Variants in ZFAT observed in about 807,000 individuals in gnomAD.
ZFAT encodes zinc finger protein ZFAT.
In ZFAT, 64 loss-of-function variants were observed where a neutral mutation model predicts 117.7. The ratio of observed to expected loss-of-function variants is 0.54; its 90% CI spans 0.44 to 0.67. ZFAT has a LOEUF of 0.67. Among genes scored for constraint, ZFAT ranks in the 30% least tolerant of loss-of-function variants. The pLI, the probability that ZFAT is intolerant of heterozygous loss-of-function variation, is 0.00. For missense variants in ZFAT, 1,433 were observed against 1,584.5 expected (o/e 0.90, Z 1.62); for synonymous variants, 679 against 615.0 (o/e 1.10, Z -1.54).
At chr8:134,528,068 C>T (rs1213270157) in intron 12 of ZFAT, among the ~76,000 whole-genome samples, 2 of 150,708 alleles carry the variant, frequency 1.3e-5, no homozygotes, top group East Asian at 3.8e-4. Flanking sequence ...AAGAGATGAC[C>T]ACGCCTCTTC....
the ZFAT span, chr8:134,783,761 T>C: frequency 6.6e-6 from 1 of 152,140 alleles, no homozygotes; most frequent in Non-Finnish European, 1.5e-5. Flanking sequence ...AAAAGGCAGA[T>C]AGGAAAGAGT....
intron 1 of ZFAT, among the ~76,000 whole-genome samples, chr8:134,659,721 C>T (rs920618027): frequency 3.3e-5 from 5 of 152,088 alleles, no homozygotes; most frequent in African/African-American, 1.2e-4. Flanking sequence ...ACTCCCCCAA[C>T]CCATTTCTCT....
At chr8:134,521,139 C>A in intron 12 of ZFAT, 138 bp from the exon 13 acceptor site, 1 of 582,118 alleles carries the variant, frequency 1.7e-6, no homozygotes, top group Non-Finnish European at 3.0e-6. Context: ...TCAAGCTTAC[C>A]TTAGTATTGG....
the ZFAT span, among the ~76,000 whole-genome samples, chr8:134,818,856 G>A: frequency 1.3e-5 from 2 of 152,194 alleles, no homozygotes; most frequent in Non-Finnish European, 2.9e-5. Flanking sequence ...AGTGCATATT[G>A]TATTCTAAGA....
intron 15 of ZFAT, among the ~76,000 whole-genome samples, chr8:134,502,133 T>A (rs946793680): frequency 1.3e-5 from 2 of 152,244 alleles, no homozygotes; most frequent in African/African-American, 4.8e-5. Flanking sequence ...CCCCTCCTCA[T>A]TATTTCACCA....
At chr8:134,819,496 A>ACCCCCCCCCCCC in the ZFAT span, among the ~76,000 whole-genome samples, 111 of 39,338 alleles carry the variant, frequency 2.8e-3, no homozygotes, top group Non-Finnish European at 3.9e-3. Context: ...CGGATTTACC[A>ACCCCCCCCCCCC]CCCCCCCCCC....
chr8:134,565,446 GA>G, intron 10 of ZFAT, 25 bp from the exon 11 acceptor site: 2 of 1,608,356 alleles, frequency 1.2e-6, no homozygotes, highest in Non-Finnish European at 1.7e-6. Context: ...AGGACAAGAT[GA>G]GCGTCGCCAG....
At chr8:134,830,339 G>A in the ZFAT span, among the ~76,000 whole-genome samples, 2 of 152,182 alleles carry the variant, frequency 1.3e-5, no homozygotes, top group Admixed American at 6.5e-5. Flanking sequence ...CACAAAAGTA[G>A]CTGCACAGAA....
the ZFAT span, among the ~76,000 whole-genome samples, chr8:134,755,540 G>A: frequency 1.4e-4 from 22 of 151,932 alleles, no homozygotes; most frequent in East Asian, 1.4e-3. Flanking sequence ...TGCCTGGTGC[G>A]GTGGCTCATG....
chr8:134,758,497 T>C, the ZFAT span, among the ~76,000 whole-genome samples: 2 of 152,216 alleles, frequency 1.3e-5, no homozygotes, highest in Non-Finnish European at 2.9e-5. Flanking sequence ...TGGTTCTGTT[T>C]TGGGGAAGGT....
chr8:134,595,843 A>T (rs751960182), intron 7 of ZFAT, among the ~76,000 whole-genome samples: 12 of 152,230 alleles, frequency 7.9e-5, no homozygotes, highest in Non-Finnish European at 1.8e-4. Context: ...ACAGGCACTC[A>T]GCCAGATTAT....
the ZFAT span, chr8:134,797,903 C>T: frequency 6.6e-6 from 1 of 151,602 alleles, no homozygotes; most frequent in South Asian, 2.1e-4. Flanking sequence ...AAAAACCTCT[C>T]AATATGAAGT....
intron 11 of ZFAT, among the ~76,000 whole-genome samples, chr8:134,543,294 G>A (rs1822424303): frequency 6.6e-6 from 1 of 150,840 alleles, no homozygotes; most frequent in South Asian, 2.1e-4. Context: ...TGCAGTTACT[G>A]CACAGAAGAA....
chr8:134,821,707 T>G, the ZFAT span, among the ~76,000 whole-genome samples: 1 of 152,152 alleles, frequency 6.6e-6, no homozygotes, highest in African/African-American at 2.4e-5. Context: ...GGAAATACAT[T>G]TAGCTCAATG....
chr8:134,590,752 T>G (rs1372441881), intron 7 of ZFAT, among the ~76,000 whole-genome samples: 1 of 137,184 alleles, frequency 7.3e-6, no homozygotes, highest in African/African-American at 2.8e-5. Flanking sequence ...CCACCAGCAC[T>G]ATCAACAGTC....
intron 1 of ZFAT, among the ~76,000 whole-genome samples, chr8:134,679,877 G>C (rs1391474849): frequency 6.7e-6 from 1 of 148,662 alleles, no homozygotes; most frequent in East Asian, 2.0e-4. Context: ...TCATAAACGG[G>C]AGTTGAACAA....
At chr8:134,515,133 T>C (rs1417600116) in intron 13 of ZFAT, among the ~76,000 whole-genome samples, 1 of 152,248 alleles carries the variant, frequency 6.6e-6, no homozygotes, top group African/African-American at 2.4e-5. Context: ...GCAAAGGACA[T>C]GAACTCATCT....
chr8:134,478,484 A>G lies in ZFAT; in HGVS notation c.3730T>C (p.Ter1244GlnextTer147). 6.4e-7 allele frequency: 1 copy of G among 1,563,258 alleles called. No homozygotes were observed. Among genetic ancestry groups the G allele is most frequent in the Non-Finnish European group, 8.7e-7 (1 of 1,154,094 alleles). The change falls in exon 16 of 16, where the codon TAG becomes CAG. Residue 1244 changes from the stop codon to glutamine (Q), a stop_lost. Coordinates refer to ENST00000377838, the MANE Select transcript of ZFAT (RefSeq NM_020863.4). The surrounding 1 kb of genome is among the most constrained non-coding windows in gnomAD (Gnocchi z 5.2). Reference protein sequence around the residue: ...QAVEQPAQEL* With the variant: ...QAVEQPAQELQ Reference sequence around the variant, plus strand: ...GGCCATCCGATGCCACATGTCCTCTAGAGTTCCTGGGCCGGCTGCTCCACA... The same window carrying G: ...GGCCATCCGATGCCACATGTCCTCTGGAGTTCCTGGGCCGGCTGCTCCACA...
At chr8:134,783,709 G>C in the ZFAT span, 1 of 152,308 alleles carries the variant, frequency 6.6e-6, no homozygotes, top group African/African-American at 2.4e-5. Context: ...TTGACAATTA[G>C]TTTATTAGAG....
Sources: gnomAD v4.1 joint callset for allele counts (sites outside exome capture counted in the v4.1 genomes callset) on GRCh38, gnomAD v4.1.1 for gene constraint, Gnocchi (gnomAD v3.1) non-coding constraint, MANE v1.5 for transcripts, NCBI Gene and HGNC (gene_info 2026-07-23, HGNC 2026-07-21) for gene names.